Variants in GRID2 observed in about 807,000 individuals in gnomAD.
GRID2 encodes glutamate ionotropic receptor delta type subunit 2.
Under a neutral mutation model 114.8 loss-of-function variants are expected in GRID2, and 33 were observed. That is an observed-to-expected ratio of 0.29 (90% CI 0.22 to 0.38). The LOEUF is 0.38. Ranked by LOEUF, GRID2 falls within the 10% of genes least tolerant of loss-of-function variation. The probability of loss-of-function intolerance (pLI) is 1.00; values close to 1 mark genes in which losing one functional copy is unlikely to be tolerated. For synonymous variants in GRID2, 505 were observed against 449.9 expected (o/e 1.12, Z -1.55); for missense variants, 1,184 against 1,257.7 (o/e 0.94, Z 0.89).
intron 13 of GRID2, among the ~76,000 whole-genome samples, chr4:93,561,010 A>G (rs1028771629): frequency 2.6e-5 from 4 of 151,922 alleles, no homozygotes; most frequent in African/African-American, 9.7e-5. Flanking sequence ...ATGACCTTAC[A>G]TTTATACTTA....
chr4:93,565,803 G>C (rs1396315517), intron 13 of GRID2, among the ~76,000 whole-genome samples: 1 of 152,100 alleles, frequency 6.6e-6, no homozygotes, highest in Non-Finnish European at 1.5e-5. Flanking sequence ...AAAATTCTTA[G>C]GAATCAGTTT....
chr4:93,516,192 C>G (rs1418378828), intron 13 of GRID2, among the ~76,000 whole-genome samples: 1 of 152,092 alleles, frequency 6.6e-6, no homozygotes, highest in Admixed American at 6.6e-5. Context: ...GTGGTATACA[C>G]TTTTTCTCTC....
intron 4 of GRID2, among the ~76,000 whole-genome samples, chr4:93,128,959 A>G (rs1734548322): frequency 6.6e-6 from 1 of 152,196 alleles, no homozygotes. Flanking sequence ...TCCCTATTCT[A>G]CCAGTGTTGG....
chr4:92,952,812 C>G (rs1752127822), intron 2 of GRID2, among the ~76,000 whole-genome samples: 2 of 152,284 alleles, frequency 1.3e-5, no homozygotes, highest in African/African-American at 4.8e-5. Context: ...TTTCCTACGA[C>G]TGCCATAACA....
chr4:93,698,850 A>G (rs1727267470), intron 14 of GRID2, among the ~76,000 whole-genome samples: 1 of 152,078 alleles, frequency 6.6e-6, no homozygotes, highest in South Asian at 2.1e-4. Flanking sequence ...AAATATTTTG[A>G]TATTAGGCAA....
intron 12 of GRID2, among the ~76,000 whole-genome samples, chr4:93,494,878 G>A (rs1428882356): frequency 6.6e-6 from 1 of 151,768 alleles, no homozygotes; most frequent in African/African-American, 2.4e-5. Context: ...AAGCTTTGAA[G>A]GTACTTCAGA....
At chr4:92,726,837 T>C (rs1452461493) in intron 2 of GRID2, among the ~76,000 whole-genome samples, 1 of 152,062 alleles carries the variant, frequency 6.6e-6, no homozygotes, top group Non-Finnish European at 1.5e-5. Flanking sequence ...CTAGAATCAC[T>C]GAGTATTGAT....
intron 1 of GRID2, among the ~76,000 whole-genome samples, chr4:92,496,126 G>A (rs187765707): frequency 6.6e-6 from 1 of 151,948 alleles, no homozygotes; most frequent in East Asian, 1.9e-4. Context: ...TTAAATTAAT[G>A]TTGAATATTT....
intron 14 of GRID2, among the ~76,000 whole-genome samples, chr4:93,755,438 A>T (rs868806022): frequency 6.6e-6 from 1 of 152,112 alleles, no homozygotes; most frequent in Non-Finnish European, 1.5e-5. Context: ...ACATTATGTA[A>T]TTTTTTATAA....
At chr4:93,288,073 T>C (rs1450424732) in intron 8 of GRID2, among the ~76,000 whole-genome samples, 1 of 152,166 alleles carries the variant, frequency 6.6e-6, no homozygotes, top group African/African-American at 2.4e-5. Flanking sequence ...ATTTTTAAGA[T>C]TTGTGTTTCT....
chr4:93,498,259 TTGAC>T (rs1473163538), intron 12 of GRID2, among the ~76,000 whole-genome samples: 1 of 151,784 alleles, frequency 6.6e-6, no homozygotes, highest in East Asian at 1.9e-4. Flanking sequence ...AGATGGTACT[TTGAC>T]TGCTGTTCTA....
intron 2 of GRID2, among the ~76,000 whole-genome samples, chr4:93,081,309 A>G (rs1386315478): frequency 1.3e-5 from 2 of 152,184 alleles, no homozygotes; most frequent in African/African-American, 4.8e-5. Context: ...GAGGTAATAA[A>G]TTTTTTAACT....
At chr4:92,508,900 G>A (rs113637683) in intron 1 of GRID2, among the ~76,000 whole-genome samples, 1 of 151,942 alleles carries the variant, frequency 6.6e-6, no homozygotes, top group African/African-American at 2.4e-5. Flanking sequence ...TGCTGTAGAG[G>A]TGTTGAGCAG....
intron 7 of GRID2, 21 bp from the exon 8 acceptor site, chr4:93,238,350 A>G: frequency 6.5e-7 from 1 of 1,541,714 alleles, no homozygotes; most frequent in Non-Finnish European, 8.8e-7. Flanking sequence ...ATTTTACATC[A>G]GTATCTGTTC....
chr4:93,262,827 T>TAA (rs36049862), intron 8 of GRID2, among the ~76,000 whole-genome samples: 8 of 151,432 alleles, frequency 5.3e-5, no homozygotes, highest in Middle Eastern at 3.4e-3. Context: ...AATAGATTTC[T>TAA]AAAAAAAATG....
At chr4:93,130,909 C>T (rs947784417) in intron 4 of GRID2, among the ~76,000 whole-genome samples, 15 of 152,184 alleles carry the variant, frequency 9.9e-5, no homozygotes, top group African/African-American at 2.9e-4. Flanking sequence ...TATTCCAGAA[C>T]GACTGAAACA....
chr4:92,392,147 C>CT lies in GRID2; in HGVS notation c.88+87408dup, dbSNP rs550674784. ...ATTATCTAGCCTGAGCCTATATCAT[C>CT]TTTTTAAAACGTTTGCTTTTAAAAA... On this transcript the variant is annotated intron_variant, in intron 1 of 15. Transcript: ENST00000282020. Among the ~76,000 whole-genome samples, 554 of 152,278 alleles carry CT rather than the reference C, an allele frequency of 3.6e-3. 2 individuals carry two copies. Among genetic ancestry groups the CT allele is most frequent in the Non-Finnish European group, 6.4e-3 (435 of 68,018 alleles).
At chr4:93,100,112 G>A (rs1731571808) in intron 3 of GRID2, among the ~76,000 whole-genome samples, 1 of 151,774 alleles carries the variant, frequency 6.6e-6, no homozygotes, top group South Asian at 2.1e-4. Context: ...CTTTGCATTA[G>A]TATATATGAT....
intron 2 of GRID2, among the ~76,000 whole-genome samples, chr4:92,847,158 TTTAGCCA>T (rs750942097): frequency 1.2e-4 from 18 of 152,112 alleles, no homozygotes; most frequent in Non-Finnish European, 2.6e-4. Flanking sequence ...CAGCTGAGAC[TTTAGCCA>T]TTGTCAGTGT....
Sources: gnomAD v4.1 joint callset for allele counts (sites outside exome capture counted in the v4.1 genomes callset) on GRCh38, gnomAD v4.1.1 for gene constraint, MANE v1.5 for transcripts, NCBI Gene and HGNC (gene_info 2026-07-23, HGNC 2026-07-21) for gene names.